RGS12: variants seen among roughly 807,000 people sequenced by gnomAD.
The protein encoded by RGS12 is regulator of G protein signaling 12, also known as regulator of G-protein signaling 12.
RGS12 carries 66 observed loss-of-function variants against 120.1 expected under a neutral mutation model. That is an observed-to-expected ratio of 0.55 (90% CI 0.45 to 0.67). RGS12 has a LOEUF of 0.67. Ranked by LOEUF, RGS12 falls within the 30% of genes least tolerant of loss-of-function variation. RGS12 has a pLI of 0.00. For missense variants in RGS12, 1,859 were observed against 1,957.7 expected (o/e 0.95, Z 0.95); for synonymous variants, 827 against 804.7 (o/e 1.03, Z -0.47).
At chr4:3,363,421 G>A (rs949981946) in intron 3 of RGS12, among the ~76,000 whole-genome samples, 3 of 152,044 alleles carry the variant, frequency 2.0e-5, no homozygotes, top group Non-Finnish European at 1.5e-5. Flanking sequence ...TTCGTTTTGG[G>A]CTCCAGCCTC....
intron 4 of RGS12, among the ~76,000 whole-genome samples, chr4:3,406,569 CG>C (rs1721153902): frequency 6.6e-6 from 1 of 152,198 alleles, no homozygotes; most frequent in African/African-American, 2.4e-5. Context: ...CAGTTGCTGT[CG>C]GGGGCCGCTT....
intron 17 of RGS12, among the ~76,000 whole-genome samples, chr4:3,437,849 C>A (rs1046993478): frequency 6.6e-6 from 1 of 152,208 alleles, no homozygotes; most frequent in Non-Finnish European, 1.5e-5. Context: ...ACGGGCTGGG[C>A]ACGCTCAAGA....
At chr4:3,371,720 A>G (rs370119479) in intron 3 of RGS12, among the ~76,000 whole-genome samples, 1 of 152,264 alleles carries the variant, frequency 6.6e-6, no homozygotes, top group South Asian at 2.1e-4. Flanking sequence ...TGGCCAGCAG[A>G]CGAGGGGCTG....
At chr4:3,379,108 A>G (rs1387437375) in intron 3 of RGS12, among the ~76,000 whole-genome samples, 1 of 152,128 alleles carries the variant, frequency 6.6e-6, no homozygotes, top group Non-Finnish European at 1.5e-5. Flanking sequence ...TTGCAACAAC[A>G]TGGATGAAGC....
At chr4:3,410,037 CAGTTAACGTCT>C (rs1402043788) in intron 4 of RGS12, among the ~76,000 whole-genome samples, 2 of 152,212 alleles carry the variant, frequency 1.3e-5, no homozygotes, top group Non-Finnish European at 2.9e-5. Context: ...CCCTGGAGGC[CAGTTAACGTCT>C]ATTTCTCCCT....
intron 2 of RGS12, among the ~76,000 whole-genome samples, chr4:3,334,991 G>A (rs75798487): frequency 0.019 from 2,962 of 152,196 alleles, 82 homozygotes; most frequent in African/African-American, 0.057. Context: ...AGCCTGGTTG[G>A]TTTATTTCCT....
intron 3 of RGS12, among the ~76,000 whole-genome samples, chr4:3,357,510 A>G (rs1001043513): frequency 6.6e-6 from 1 of 152,058 alleles, no homozygotes; most frequent in South Asian, 2.1e-4. Context: ...GGTGTTATTT[A>G]TGTGTTTGAT....
At chr4:3,329,403 C>T (rs1711574916) in intron 2 of RGS12, among the ~76,000 whole-genome samples, 1 of 152,048 alleles carries the variant, frequency 6.6e-6, no homozygotes, top group African/African-American at 2.4e-5. Flanking sequence ...TCCTGGGGGT[C>T]ACAGAGCTTG....
chr4:3,293,019 G>C (rs998985570), upstream of RGS12: 3 of 149,614 alleles, frequency 2.0e-5, no homozygotes, highest in Admixed American at 6.6e-5. Flanking sequence ...CCGGGGGGCG[G>C]TGGCTGCCGA....
intron 1 of RGS12, among the ~76,000 whole-genome samples, chr4:3,294,605 A>G (rs920707455): frequency 2.0e-5 from 3 of 152,100 alleles, no homozygotes; most frequent in African/African-American, 7.2e-5. Context: ...GGGGGAGGCC[A>G]TGTTGGCTGA....
chr4:3,412,557 C>T (rs1342412538), intron 4 of RGS12, among the ~76,000 whole-genome samples: 2 of 152,258 alleles, frequency 1.3e-5, no homozygotes, highest in African/African-American at 2.4e-5. Flanking sequence ...CTTGACTTTA[C>T]AGCAGTGCCA....
intron 2 of RGS12, among the ~76,000 whole-genome samples, chr4:3,321,568 G>A (rs766670560): frequency 2.6e-5 from 4 of 152,214 alleles, no homozygotes; most frequent in Non-Finnish European, 4.4e-5. Flanking sequence ...GCTACCCAGC[G>A]TCTGTATGCA....
chr4:3,335,741 C>T (rs538209871), intron 2 of RGS12, among the ~76,000 whole-genome samples: 17 of 152,068 alleles, frequency 1.1e-4, no homozygotes, highest in Non-Finnish European at 2.4e-4. Context: ...GAACTATGAT[C>T]GTACCCCTGC....
At position 3,317,876 on chromosome 4, in the gene RGS12, G is replaced by A. The variant is rs750034529; in HGVS notation, c.1706G>A (p.Cys569Tyr). The change falls in exon 2 of 18, where the codon TGC becomes TAC. Residue 569 changes from cysteine to tyrosine, a missense_variant. Physicochemically the swap from Cys to Tyr is radical, Grantham distance 194. Coordinates refer to ENST00000336727, the MANE Select transcript of RGS12 (RefSeq NM_001394154.1). Reference protein sequence around the residue: ...DSTDGWSSINCGTLPPPMSKI... With the variant: ...DSTDGWSSINYGTLPPPMSKI... ...ACCGATGGCTGGTCCAGCATCAACT[G>A]CGGCACACTGCCCCCTCCTATGAGC... 3 of 1,613,838 alleles carry A rather than the reference G, an allele frequency of 1.9e-6. No individual in the cohort carries two copies. The highest frequency in any genetic ancestry group is 2.2e-5 in the South Asian group (2 of 91,024).
intron 5 of RGS12, chr4:3,414,442 C>T (rs1031392151): frequency 2.4e-5 from 15 of 638,222 alleles, no homozygotes; most frequent in Admixed American, 6.0e-5. Context: ...GTTCTGCCCC[C>T]AGGGAGCGTC....
At chr4:3,294,608 T>C (rs1723260046) in intron 1 of RGS12, among the ~76,000 whole-genome samples, 1 of 152,124 alleles carries the variant, frequency 6.6e-6, no homozygotes, top group Non-Finnish European at 1.5e-5. Context: ...GGAGGCCATG[T>C]TGGCTGAGGG....
At chr4:3,328,097 A>G (rs1468884602) in intron 2 of RGS12, among the ~76,000 whole-genome samples, 1 of 152,274 alleles carries the variant, frequency 6.6e-6, no homozygotes, top group Non-Finnish European at 1.5e-5. Context: ...AGCCACATGG[A>G]TGGAATTGGA....
chr4:3,298,932 T>A (rs1379248946), intron 1 of RGS12, among the ~76,000 whole-genome samples: 1 of 152,238 alleles, frequency 6.6e-6, no homozygotes, highest in Non-Finnish European at 1.5e-5. Context: ...TCTTTTCTGC[T>A]AATTTCAACA....
intron 4 of RGS12, among the ~76,000 whole-genome samples, chr4:3,397,584 G>A (rs1720166823): frequency 6.6e-6 from 1 of 152,236 alleles, no homozygotes; most frequent in Admixed American, 6.5e-5. Flanking sequence ...GGAGGATGAG[G>A]GTGTTTGCAG....
Sources: gnomAD v4.1 joint callset for allele counts (sites outside exome capture counted in the v4.1 genomes callset) on GRCh38, gnomAD v4.1.1 for gene constraint, MANE v1.5 for transcripts, NCBI Gene and HGNC (gene_info 2026-07-23, HGNC 2026-07-21) for gene names.